Variants in HS2ST1 observed in about 807,000 individuals in gnomAD.
The protein encoded by HS2ST1 is heparan sulfate 2-O-sulfotransferase 1.
In HS2ST1, 18 loss-of-function variants were observed where a neutral mutation model predicts 42.9. That is an observed-to-expected ratio of 0.42 (90% CI 0.29 to 0.62). HS2ST1 has a LOEUF of 0.62. HS2ST1 is among the 20% of genes least tolerant of loss of function. The pLI is 0.21. For missense variants in HS2ST1, 334 were observed against 433.8 expected (o/e 0.77, Z 2.04); for synonymous variants, 146 against 152.9 (o/e 0.95, Z 0.33).
intron 1 of HS2ST1, among the ~76,000 whole-genome samples, chr1:86,953,066 G>A (rs928379359): frequency 2.6e-5 from 4 of 152,126 alleles, no homozygotes; most frequent in Non-Finnish European, 4.4e-5. Context: ...CTAGCTAGAC[G>A]GGGATAACTT....
In HS2ST1 at chr1:87,067,346, A is replaced by G. The variant is rs527674870; in HGVS notation, c.125-5588A>G. ...AGTGATGATGAGCTTTTTTTCATAT[A>G]TTTGTTGGCTGCATAAATGTCTTCT... On this transcript the variant is annotated intron_variant, in intron 1 of 6. Coordinates refer to ENST00000370550, the MANE Select transcript of HS2ST1 (RefSeq NM_012262.4). Among the ~76,000 whole-genome samples the G allele has an allele frequency of 1.2e-3, 183 of 151,938 alleles. 1 individual carries two copies. Among genetic ancestry groups the G allele is most frequent in the African/African-American group, 4.1e-3 (171 of 41,480 alleles).
chr1:86,994,395 C>G (rs11161921), intron 1 of HS2ST1, among the ~76,000 whole-genome samples: 1,657 of 152,262 alleles, frequency 0.011, 30 homozygotes, highest in African/African-American at 0.039. Flanking sequence ...TTTCTCTTAA[C>G]TTCATTATGG....
intron 1 of HS2ST1, among the ~76,000 whole-genome samples, chr1:86,966,238 A>G (rs1648043293): frequency 6.6e-6 from 1 of 152,174 alleles, no homozygotes; most frequent in Non-Finnish European, 1.5e-5. Flanking sequence ...TATTAAATAT[A>G]TGGAGAGGTT....
chr1:87,038,727 T>C (rs1650445863), intron 1 of HS2ST1, among the ~76,000 whole-genome samples: 1 of 152,144 alleles, frequency 6.6e-6, no homozygotes, highest in South Asian at 2.1e-4. Flanking sequence ...AGTATTTGTT[T>C]TAACTTACAT....
chr1:87,084,783 T>C (rs559055533), intron 3 of HS2ST1, among the ~76,000 whole-genome samples: 20 of 145,604 alleles, frequency 1.4e-4, no homozygotes, highest in African/African-American at 4.3e-4. Flanking sequence ...TCACCCCCCC[T>C]CTCCTTCTCC....
intron 1 of HS2ST1, among the ~76,000 whole-genome samples, chr1:87,026,673 G>A (rs976278226): frequency 1.3e-5 from 2 of 151,876 alleles, no homozygotes; most frequent in African/African-American, 2.4e-5. Flanking sequence ...AAGTTCATTG[G>A]CATTTCACAG....
At chr1:86,930,678 C>T (rs1207332120) in intron 1 of HS2ST1, among the ~76,000 whole-genome samples, 3 of 151,956 alleles carry the variant, frequency 2.0e-5, no homozygotes, top group East Asian at 1.9e-4. Context: ...ACACCATCCT[C>T]CCCTATTCCT....
intron 1 of HS2ST1, among the ~76,000 whole-genome samples, chr1:87,067,821 G>A (rs962155463): frequency 1.3e-5 from 2 of 152,124 alleles, no homozygotes; most frequent in African/African-American, 4.8e-5. Flanking sequence ...TTATTAAATA[G>A]GGAATCCTTT....
chr1:87,031,693 C>CT (rs1285791967), intron 1 of HS2ST1, among the ~76,000 whole-genome samples: 6 of 152,152 alleles, frequency 3.9e-5, no homozygotes, highest in African/African-American at 1.4e-4. Context: ...TCTTTGAGTT[C>CT]TTTCCTAGTT....
At chr1:86,985,553 T>TATATATACACACATATATATAC (rs142198914) in intron 1 of HS2ST1, among the ~76,000 whole-genome samples, 1 of 37,408 alleles carries the variant, frequency 2.7e-5, no homozygotes. Flanking sequence ...CACATATATA[T>TATATATACACACATATATATAC]ACACACACAC....
chr1:87,085,345 A>G (rs1651795701), intron 3 of HS2ST1, among the ~76,000 whole-genome samples: 2 of 152,098 alleles, frequency 1.3e-5, no homozygotes, highest in Admixed American at 1.3e-4. Flanking sequence ...TCCCACTCTC[A>G]GTTTTACTTA....
intron 6 of HS2ST1, 78 bp downstream of exon 6, chr1:87,103,667 GA>G (rs944614906): frequency 3.6e-5 from 45 of 1,252,914 alleles, no homozygotes; most frequent in Non-Finnish European, 4.7e-5. Context: ...TATGTGATTT[GA>G]AGTTTCTTCA....
chr1:86,929,422 G>T (rs892159689), intron 1 of HS2ST1, among the ~76,000 whole-genome samples: 1 of 151,730 alleles, frequency 6.6e-6, no homozygotes, highest in African/African-American at 2.4e-5. Context: ...CTAGGAAGAA[G>T]TAATAATCAC....
At chr1:86,971,122 CAT>C (rs1480229566) in intron 1 of HS2ST1, among the ~76,000 whole-genome samples, 2 of 152,098 alleles carry the variant, frequency 1.3e-5, no homozygotes, top group African/African-American at 4.8e-5. Flanking sequence ...AGGCCTGTTA[CAT>C]GTTTGGTTGC....
chr1:87,045,172 CT>C, intron 1 of HS2ST1: 1 of 885,190 alleles, frequency 1.1e-6, no homozygotes, highest in Non-Finnish European at 1.9e-6. Flanking sequence ...TTGGCAGCAT[CT>C]TCAGCTTGTT....
At chr1:87,098,018 T>A (rs559867814) in intron 5 of HS2ST1, 83 bp downstream of exon 5, 6 of 1,578,172 alleles carry the variant, frequency 3.8e-6, no homozygotes, top group Admixed American at 1.8e-5. Context: ...GGGCTAGATA[T>A]AGGGAAATCG....
chr1:87,033,543 GT>G (rs1391715697), intron 1 of HS2ST1, among the ~76,000 whole-genome samples: 1 of 147,306 alleles, frequency 6.8e-6, no homozygotes, highest in African/African-American at 2.7e-5. Context: ...TTGTTTTTTT[GT>G]TTGTTTGTTT....
chr1:86,920,788 C>T (rs1402231424), intron 1 of HS2ST1, among the ~76,000 whole-genome samples: 2 of 152,140 alleles, frequency 1.3e-5, no homozygotes, highest in Non-Finnish European at 2.9e-5. Flanking sequence ...ACGTATTCTG[C>T]CTTTCTGCCT....
chr1:86,959,055 C>A (rs1279091695), intron 1 of HS2ST1, among the ~76,000 whole-genome samples: 1 of 152,130 alleles, frequency 6.6e-6, no homozygotes, highest in Admixed American at 6.5e-5. Context: ...TGATTAAAAT[C>A]TCTCAGGAAA....
Sources: gnomAD v4.1 joint callset for allele counts (sites outside exome capture counted in the v4.1 genomes callset) on GRCh38, gnomAD v4.1.1 for gene constraint, MANE v1.5 for transcripts, NCBI Gene and HGNC (gene_info 2026-07-23, HGNC 2026-07-21) for gene names.